RALGAPA2: variants seen among roughly 807,000 people sequenced by gnomAD.
RALGAPA2 encodes the protein ral GTPase-activating protein subunit alpha-2.
RALGAPA2 carries 139 observed loss-of-function variants against 230.4 expected under a neutral mutation model. The observed-to-expected ratio is 0.60, with a 90% CI of 0.53 to 0.69. The LOEUF is 0.69. Among genes scored for constraint, RALGAPA2 ranks in the 30% least tolerant of loss-of-function variants. The pLI, the probability that RALGAPA2 is intolerant of heterozygous loss-of-function variation, is 0.00. For missense variants in RALGAPA2, 2,163 were observed against 2,276.0 expected (o/e 0.95, Z 1.01); for synonymous variants, 847 against 837.8 (o/e 1.01, Z -0.19).
intron 27 of RALGAPA2, among the ~76,000 whole-genome samples, chr20:20,531,022 A>G (rs551294013): frequency 6.6e-6 from 1 of 152,198 alleles, no homozygotes; most frequent in Non-Finnish European, 1.5e-5. Context: ...TGAAAGTTCA[A>G]GCATGTCTTT....
At position 20,653,522 on chromosome 20, in the gene RALGAPA2, G is replaced by T. The variant is rs374674217; in HGVS notation, c.328+8C>A. 1.9e-4 allele frequency: 273 copies of T among 1,453,766 alleles called. No individual in the cohort carries two copies. The highest frequency in any genetic ancestry group is 2.4e-4 in the Non-Finnish European group (258 of 1,067,316). 90.1% of individuals were successfully genotyped at this position (1,453,766 alleles called of 1,614,324 possible). On this transcript the variant is annotated splice_region_variant and intron_variant, in intron 4 of 39. Transcript: ENST00000202677. The stretch of plus-strand genomic sequence containing the variant: ...TCATATTACTAAAAAATTTTTAATT[G>T]TTCTTACCTATACTCTGGTAATGCC...
Position 20,634,316 on chromosome 20 carries a change from TC to T in RALGAPA2, c.1005+1101del, listed in dbSNP as rs1472803761. 3.9e-5 allele frequency among the ~76,000 whole-genome samples: 6 copies of T among 152,328 alleles called. No individual in the cohort carries two copies. The East Asian group carries it at 7.7e-4, about 20-fold the overall frequency. ...TTAGTCACTGTCATGGGATCTTTTT[TC>T]AGAAAACTAATTTTTTTCCCAGCAA... On this transcript the variant is annotated intron_variant, in intron 9 of 39. Coordinates refer to ENST00000202677, the MANE Select transcript of RALGAPA2 (RefSeq NM_020343.4).
At position 20,683,449 on chromosome 20, in the gene RALGAPA2, G is replaced by A. The variant is rs115401914; in HGVS notation, c.107-2648C>T. Among the ~76,000 whole-genome samples the A allele has an allele frequency of 6.2e-3, 938 of 152,138 alleles. 6 individuals carry two copies. Among genetic ancestry groups the A allele is most frequent in the African/African-American group, 0.021 (865 of 41,514 alleles). On this transcript the variant is annotated intron_variant, in intron 1 of 39. Coordinates refer to ENST00000202677, the MANE Select transcript of RALGAPA2 (RefSeq NM_020343.4). ...CTGCCTGATTTCCCCCACTCAACAC[G>A]AACTTCACTGCACACCACTCTCCCC...
intron 36 of RALGAPA2, among the ~76,000 whole-genome samples, chr20:20,486,638 G>C (rs1602513378): frequency 6.6e-6 from 1 of 152,082 alleles, no homozygotes; most frequent in African/African-American, 2.4e-5. Flanking sequence ...CATTAATTTT[G>C]AAAAATTCTC....
chr20:20,624,097 C>T (rs1239074796), intron 10 of RALGAPA2, among the ~76,000 whole-genome samples: 3 of 152,074 alleles, frequency 2.0e-5, no homozygotes, highest in African/African-American at 7.2e-5. Flanking sequence ...AACACCAAGG[C>T]GGGTGGATCA....
chr20:20,478,083 G>A (rs2061691029), intron 36 of RALGAPA2, among the ~76,000 whole-genome samples: 1 of 152,118 alleles, frequency 6.6e-6, no homozygotes, highest in Non-Finnish European at 1.5e-5. Flanking sequence ...TGCCTAAAAA[G>A]CTATTGACAA....
At chr20:20,403,937 C>A (rs911079270) in intron 38 of RALGAPA2, among the ~76,000 whole-genome samples, 6 of 152,202 alleles carry the variant, frequency 3.9e-5, no homozygotes, top group African/African-American at 1.4e-4. Context: ...CAATCCCACA[C>A]AGGAGAAGAC....
rs1300392956 is a variant in RALGAPA2, at chr20:20,392,540, T to G, written c.*749A>C. The G allele has an allele frequency of 6.5e-6, 1 of 154,308 alleles. No homozygotes were observed. The highest frequency in any genetic ancestry group is 1.9e-4 in the East Asian group (1 of 5,190). 9.6% of individuals were successfully genotyped at this position (154,308 alleles called of 1,614,324 possible). A position where few individuals can be genotyped will look rare whatever the true frequency, so the allele number is the denominator to read the frequency against. On this transcript the variant is annotated 3_prime_UTR_variant, in exon 40 of 40. Coordinates refer to ENST00000202677, the MANE Select transcript of RALGAPA2 (RefSeq NM_020343.4). ...ACAGGACCCTGTATTTCTGGAATCT[T>G]CTGAGTGTTCTAAGATAGGGGCATC...
intron 8 of RALGAPA2, among the ~76,000 whole-genome samples, chr20:20,635,981 T>C (rs2066845688): frequency 6.6e-6 from 1 of 152,234 alleles, no homozygotes. Context: ...GGAACAAATG[T>C]AAAAGTATAT....
At chr20:20,569,759 CATTT>C (rs1179580992) in intron 23 of RALGAPA2, among the ~76,000 whole-genome samples, 1 of 152,060 alleles carries the variant, frequency 6.6e-6, no homozygotes, top group Non-Finnish European at 1.5e-5. Context: ...ATTCTAAACT[CATTT>C]ATGTGACTTT....
chr20:20,440,933 T>C (rs976471657), intron 37 of RALGAPA2, among the ~76,000 whole-genome samples: 3 of 152,280 alleles, frequency 2.0e-5, no homozygotes, highest in African/African-American at 7.2e-5. Context: ...ATTCTCTTTA[T>C]TGGGCTGAAT....
chr20:20,479,155 T>C (rs540652595), intron 36 of RALGAPA2, among the ~76,000 whole-genome samples: 67 of 152,274 alleles, frequency 4.4e-4, no homozygotes, highest in African/African-American at 1.5e-3. Flanking sequence ...AAAAACATTC[T>C]AACAAGGAAA....
chr20:20,645,048 G>T (rs1296219557), intron 4 of RALGAPA2, among the ~76,000 whole-genome samples: 1 of 150,366 alleles, frequency 6.7e-6, no homozygotes, highest in Non-Finnish European at 1.5e-5. Context: ...GAGCATTGGT[G>T]CTTGTTAGTC....
rs147611367 is a variant in RALGAPA2, at chr20:20,624,026, T to C, written c.1234-3396A>G. Among the ~76,000 whole-genome samples, 535 of 152,238 alleles carry C rather than the reference T, an allele frequency of 3.5e-3. 4 individuals are homozygous for C. Among genetic ancestry groups the C allele is most frequent in the African/African-American group, 0.012 (502 of 41,556 alleles). On this transcript the variant is annotated intron_variant, in intron 10 of 39. Coordinates refer to ENST00000202677, the MANE Select transcript of RALGAPA2 (RefSeq NM_020343.4). ...CATTATACCCAGCTAAGCTGCTCTT[T>C]ACACCTAAAGGAAAAAGACGCTGGA...
intron 31 of RALGAPA2, among the ~76,000 whole-genome samples, chr20:20,514,518 A>G (rs890750554): frequency 4.6e-5 from 7 of 151,792 alleles, no homozygotes; most frequent in African/African-American, 1.7e-4. Context: ...TATTCGGCAC[A>G]CTTCCTCACC....
intron 27 of RALGAPA2, among the ~76,000 whole-genome samples, chr20:20,528,318 G>C (rs2063277940): frequency 6.6e-6 from 1 of 152,218 alleles, no homozygotes; most frequent in Admixed American, 6.5e-5. Context: ...AGGTCAGCCT[G>C]TGCATGGACA....
At chr20:20,549,848 C>T (rs1332151482) in intron 23 of RALGAPA2, among the ~76,000 whole-genome samples, 1 of 152,132 alleles carries the variant, frequency 6.6e-6, no homozygotes, top group Non-Finnish European at 1.5e-5. Flanking sequence ...TTCCTCACAG[C>T]CTCCAGGGCT....
At chr20:20,571,407 A>G (rs879271969) in intron 23 of RALGAPA2, 51 bp downstream of exon 23, 64 of 1,525,884 alleles carry the variant, frequency 4.2e-5, no homozygotes, top group Non-Finnish European at 4.6e-5. Context: ...TTAAAGAGTG[A>G]TATGCTATTT....
chr20:20,551,888 G>A (rs6082037), intron 23 of RALGAPA2, among the ~76,000 whole-genome samples: 1 of 152,076 alleles, frequency 6.6e-6, no homozygotes, highest in Non-Finnish European at 1.5e-5. Context: ...TTAAAAGGAA[G>A]GATTCGTTCT....
Sources: gnomAD v4.1 joint callset for allele counts (sites outside exome capture counted in the v4.1 genomes callset) on GRCh38, gnomAD v4.1.1 for gene constraint, MANE v1.5 for transcripts, NCBI Gene and HGNC (gene_info 2026-07-23, HGNC 2026-07-21) for gene names.